Variants in ERICH6 observed in about 807,000 individuals in gnomAD.
ERICH6 encodes the protein glutamate-rich protein 6.
A neutral mutation model predicts 71.0 loss-of-function variants in ERICH6; 71 were observed. The ratio of observed to expected loss-of-function variants is 1.00; its 90% CI spans 0.83 to 1.22. The LOEUF (loss-of-function observed/expected upper bound fraction) is 1.22. ERICH6 is among the 50% of genes most tolerant of loss of function. The probability of loss-of-function intolerance (pLI) is 0.00; values close to 1 mark genes in which losing one functional copy is unlikely to be tolerated. For missense variants in ERICH6, 808 were observed against 797.2 expected (o/e 1.01, Z -0.16); for synonymous variants, 262 against 278.4 (o/e 0.94, Z 0.59).
At position 150,666,761 on chromosome 3, in the gene ERICH6, T is replaced by C. The variant is rs750635459; in HGVS notation, c.1728+26A>G. Reference sequence around the variant, plus strand: ...ACTCTTATTATTATTCTAAATGCTTTAAACTGTTTTTAAAAATGTACCTAC... The same window carrying C: ...ACTCTTATTATTATTCTAAATGCTTCAAACTGTTTTTAAAAATGTACCTAC... On this transcript the variant is annotated intron_variant, in intron 13 of 13. Transcript: ENST00000295910. 2.6e-5 allele frequency: 41 copies of C among 1,594,708 alleles called. No homozygotes were observed. The East Asian group carries it at 9.2e-4, about 36-fold the overall frequency.
At chr3:150,679,989 T>C (rs779298104) in intron 9 of ERICH6, among the ~76,000 whole-genome samples, 2 of 152,136 alleles carry the variant, frequency 1.3e-5, no homozygotes, top group Non-Finnish European at 2.9e-5. Context: ...ATTTTCCATA[T>C]CCAAGCTTGA....
At chr3:150,685,027 T>A (rs944778950) in intron 6 of ERICH6, among the ~76,000 whole-genome samples, 1 of 151,876 alleles carries the variant, frequency 6.6e-6, no homozygotes, top group African/African-American at 2.4e-5. Flanking sequence ...TAATAATAAT[T>A]TTTTTAAAAA....
At chr3:150,684,760 A>T (rs1712109210) in intron 6 of ERICH6, among the ~76,000 whole-genome samples, 1 of 151,738 alleles carries the variant, frequency 6.6e-6, no homozygotes, top group Non-Finnish European at 1.5e-5. Flanking sequence ...ATATTCACCC[A>T]TGTTTCCAGG....
At chr3:150,670,436 C>T (rs531851677) in intron 11 of ERICH6, among the ~76,000 whole-genome samples, 105 of 142,590 alleles carry the variant, frequency 7.4e-4, no homozygotes, top group African/African-American at 1.8e-3. Context: ...GAGCCAAGAT[C>T]GTGCCACTGC....
In ERICH6 at chr3:150,682,241, C is replaced by T. The variant is rs755644907; in HGVS notation, c.859G>A (p.Val287Ile). 1.2e-6 allele frequency: 2 copies of T among 1,613,888 alleles called. No individual in the cohort carries two copies. The highest frequency in any genetic ancestry group is 1.1e-5 in the South Asian group (1 of 91,084). The change falls in exon 7 of 14, where the codon GTT becomes ATT. Residue 287 changes from valine (V) to isoleucine (I), a missense_variant. By Grantham distance (29) the Val-to-Ile change is conservative. This residue lies in a region of ERICH6 where 736 missense variants were observed against 712.2 expected (regional missense o/e 1.03). Coordinates refer to ENST00000295910, the MANE Select transcript of ERICH6 (RefSeq NM_152394.5). ...DLRAFFSNVDVSSEPKGHASC... is the reference protein window; with the variant it reads ...DLRAFFSNVDISSEPKGHASC... ...ACATGCCCTTTTGGTTCAGAGGAAA[C>T]ATCCACATTAGAAAAAAATGCTCTT...
chr3:150,683,670 C>T (rs1360986682), intron 6 of ERICH6, among the ~76,000 whole-genome samples: 1 of 152,150 alleles, frequency 6.6e-6, no homozygotes, highest in Admixed American at 6.5e-5. Context: ...AAGAGGATTG[C>T]TTGAACCCGG....
intron 6 of ERICH6, among the ~76,000 whole-genome samples, chr3:150,685,033 A>T (rs903369613): frequency 2.6e-5 from 4 of 152,048 alleles, no homozygotes; most frequent in South Asian, 2.1e-4. Context: ...TAATTTTTTT[A>T]AAAAAGACAG....
At chr3:150,693,034 G>A (rs1448784797) in intron 3 of ERICH6, among the ~76,000 whole-genome samples, 1 of 152,054 alleles carries the variant, frequency 6.6e-6, no homozygotes, top group Non-Finnish European at 1.5e-5. Context: ...TGCTTAAAAC[G>A]TTGCTGATCC....
At chr3:150,674,899 G>A (rs912679256) in intron 10 of ERICH6, among the ~76,000 whole-genome samples, 1 of 152,068 alleles carries the variant, frequency 6.6e-6, no homozygotes, top group Non-Finnish European at 1.5e-5. Flanking sequence ...TTGGGAGGCT[G>A]AGGCAGGTGG....
chr3:150,680,807 C>A lies in ERICH6; in HGVS notation c.1006G>T (p.Asp336Tyr). ...DPHAAHGSEV[D>Y]RLKAKEKALQ... ...GCTTTTTCTTTTGCCTTGAGTCTGTCGACCTCACTACCATGGGCTGCATGA... is the reference window on the plus strand; with the variant it reads ...GCTTTTTCTTTTGCCTTGAGTCTGTAGACCTCACTACCATGGGCTGCATGA... Residue 336 changes from aspartate (D) to tyrosine (Y), a missense_variant, in exon 8 of 14, where the codon GAC (aspartate) becomes TAC (tyrosine). Transcript: ENST00000295910. 6.2e-7 allele frequency: 1 copy of A among 1,611,878 alleles called. No individual in the cohort carries two copies. The highest frequency in any genetic ancestry group is 8.5e-7 in the Non-Finnish European group (1 of 1,179,476).
exon 1 of ERICH6, chr3:150,703,919 ACAG>A: frequency 6.2e-7 from 1 of 1,611,450 alleles, no homozygotes; most frequent in South Asian, 1.1e-5. Flanking sequence ...AGGCGGGATT[ACAG>A]CCAGCTCTTT....
chr3:150,678,961 G>A (rs879521248), intron 9 of ERICH6, among the ~76,000 whole-genome samples: 3 of 150,044 alleles, frequency 2.0e-5, no homozygotes, highest in Non-Finnish European at 4.4e-5. Context: ...AAATTGAACC[G>A]GGAGGCAGAG....
intron 10 of ERICH6, among the ~76,000 whole-genome samples, chr3:150,676,281 A>C (rs1237707461): frequency 6.6e-6 from 1 of 151,892 alleles, no homozygotes. Context: ...CAGCTGTTGC[A>C]GTTTTCATTT....
chr3:150,661,318 T>C (rs756302898), intron 13 of ERICH6, among the ~76,000 whole-genome samples: 6 of 152,220 alleles, frequency 3.9e-5, no homozygotes, highest in Non-Finnish European at 7.3e-5. Flanking sequence ...CCTTTTCCTT[T>C]TTGTGTTGAG....
chr3:150,692,651 T>C (rs939113166), intron 3 of ERICH6, among the ~76,000 whole-genome samples: 1 of 152,190 alleles, frequency 6.6e-6, no homozygotes, highest in African/African-American at 2.4e-5. Context: ...GAAACTCCTA[T>C]AATTTTGATA....
chr3:150,660,607 T>C (rs1015357481), intron 13 of ERICH6, among the ~76,000 whole-genome samples: 2 of 152,118 alleles, frequency 1.3e-5, no homozygotes, highest in Admixed American at 6.6e-5. Flanking sequence ...TGCCCCAACC[T>C]CCAGGAGGCC....
At chr3:150,669,158 C>A in intron 12 of ERICH6, 138 bp downstream of exon 12, 1 of 905,186 alleles carries the variant, frequency 1.1e-6, no homozygotes, top group Non-Finnish European at 1.6e-6. Flanking sequence ...AAAAATGTCT[C>A]TGAGTTGAAC....
intron 10 of ERICH6, among the ~76,000 whole-genome samples, chr3:150,677,482 T>C (rs1377284917): frequency 6.6e-6 from 1 of 151,776 alleles, no homozygotes; most frequent in Non-Finnish European, 1.5e-5. Flanking sequence ...ATGTAAACTA[T>C]ATAATATCAT....
At chr3:150,673,911 T>TC (rs775795541) in intron 11 of ERICH6, 45 bp downstream of exon 11, 19 of 1,571,160 alleles carry the variant, frequency 1.2e-5, no homozygotes, top group Non-Finnish European at 1.6e-5. Context: ...TTTCTTTTTT[T>TC]TGAAGTAATA....
Sources: allele counts gnomAD v4.1 joint callset (sites outside exome capture counted in the v4.1 genomes callset), GRCh38; gene constraint gnomAD v4.1.1; regional missense constraint gnomAD v4.1.1; transcripts MANE v1.5; gene names NCBI Gene and HGNC (gene_info 2026-07-23, HGNC 2026-07-21).